TLK2: variants seen among roughly 807,000 people sequenced by gnomAD.
TLK2 encodes tousled like kinase 2.
TLK2 carries 6 observed loss-of-function variants against 117.3 expected under a neutral mutation model. The ratio of observed to expected loss-of-function variants is 0.05; its 90% CI spans 0.03 to 0.10. The LOEUF (loss-of-function observed/expected upper bound fraction) is 0.10, where lower values mean the gene tolerates loss of function less well. Ranked by LOEUF, TLK2 falls within the 10% of genes least tolerant of loss-of-function variation. The pLI is 1.00. For synonymous variants in TLK2, 257 were observed against 316.7 expected, an observed-to-expected ratio of 0.81 and a Z score of 2.00; for missense variants, 299 against 901.2, an observed-to-expected ratio of 0.33 and a Z score of 8.56.
In TLK2 at chr17:62,596,585, G is replaced by A. The variant is rs374257770; in HGVS notation, c.1461G>A (p.Lys487=). ...WRDEKKENYH[K]HACREYRIHK... ...TGTTAATTTTCCCTTTTGTTTACAGGCATGCATGTAGGGAATACCGGATTC... is the reference window on the plus strand; with the variant it reads ...TGTTAATTTTCCCTTTTGTTTACAGACATGCATGTAGGGAATACCGGATTC... Residue 487 remains lysine (K), a splice_region_variant and synonymous_variant, in exon 17 of 22, where the codon AAG becomes AAA. Coordinates refer to ENST00000346027, the MANE Select transcript of TLK2 (RefSeq NM_006852.6). 233 of 1,613,408 alleles carry A rather than the reference G, an allele frequency of 1.4e-4. No homozygotes were observed. Among genetic ancestry groups the A allele is most frequent in the Middle Eastern group, 6.7e-4 (4 of 5,978 alleles).
At chr17:62,595,916 A>G (rs1567994183) in intron 16 of TLK2, among the ~76,000 whole-genome samples, 1 of 152,258 alleles carries the variant, frequency 6.6e-6, no homozygotes, top group South Asian at 2.1e-4. Context: ...GATATGATGT[A>G]TCAGCTTTAG....
chr17:62,612,610 C>T lies in TLK2; in HGVS notation c.*45C>T. ...AACTGTTCAACACACACAAAGTGGA[C>T]AAATGGCGTTCAGCAGCGGGTTTGG... On this transcript the variant is annotated 3_prime_UTR_variant, in exon 22 of 22. Coordinates refer to ENST00000346027, the MANE Select transcript of TLK2 (RefSeq NM_006852.6). The T allele has an allele frequency of 6.5e-7, 1 of 1,544,208 alleles. No individual in the cohort carries two copies. The highest frequency in any genetic ancestry group is 2.3e-5 in the East Asian group (1 of 43,566).
At chr17:62,585,936 G>A (rs931792133) in intron 15 of TLK2, 199 bp from the exon 16 acceptor site, 1 of 449,878 alleles carries the variant, frequency 2.2e-6, no homozygotes, top group African/African-American at 2.0e-5. Flanking sequence ...TAAATCCCTT[G>A]GTGCCAGTGT....
At chr17:62,543,847 A>G (rs1424351625) in intron 7 of TLK2, among the ~76,000 whole-genome samples, 1 of 152,138 alleles carries the variant, frequency 6.6e-6, no homozygotes, top group African/African-American at 2.4e-5. Context: ...AGTTCAATTT[A>G]TCTGTTTTTT....
intron 2 of TLK2, among the ~76,000 whole-genome samples, chr17:62,502,594 A>G (rs1473162698): frequency 1.3e-5 from 2 of 152,210 alleles, no homozygotes; most frequent in Non-Finnish European, 2.9e-5. Context: ...GTAAAAGTAA[A>G]ACTATTTATT....
At chr17:62,511,938 A>G (rs1430710211) in intron 2 of TLK2, among the ~76,000 whole-genome samples, 1 of 152,208 alleles carries the variant, frequency 6.6e-6, no homozygotes, top group Non-Finnish European at 1.5e-5. Flanking sequence ...CAAGAGTACA[A>G]TTGCTGGGTC....
intron 7 of TLK2, among the ~76,000 whole-genome samples, chr17:62,544,063 C>T (rs188050727): frequency 6.6e-6 from 1 of 152,166 alleles, no homozygotes; most frequent in East Asian, 1.9e-4. Flanking sequence ...ATCCTATTGT[C>T]CCAGCACCAT....
At chr17:62,600,907 C>T (rs2082824750) in intron 18 of TLK2, 87 bp downstream of exon 18, 2 of 1,335,046 alleles carry the variant, frequency 1.5e-6, no homozygotes, top group Admixed American at 2.5e-5. Flanking sequence ...GAGAATTTCA[C>T]AGCAGCCAAG....
rs1407642206 is a variant in TLK2 at position 62,583,868 on chromosome 17, C to T, written c.1369-2267C>T. Among the ~76,000 whole-genome samples, 4 of 152,148 alleles carry T rather than the reference C, an allele frequency of 2.6e-5. No homozygotes were observed. In the South Asian group the frequency reaches 6.2e-4, roughly 24 times the overall value. ...CTGGGATTACAGGTGTGAGCCACCA[C>T]GCTGAGCCCCACACATTTTATTTCT... On this transcript the variant is annotated intron_variant, in intron 15 of 21. Transcript: ENST00000346027.
chr17:62,505,259 T>C (rs576334144), intron 2 of TLK2, among the ~76,000 whole-genome samples: 1 of 152,248 alleles, frequency 6.6e-6, no homozygotes, highest in Admixed American at 6.5e-5. Flanking sequence ...AAATTTTGTT[T>C]TAGAGGCAGG....
chr17:62,567,543 T>A (rs1006915626), intron 11 of TLK2, among the ~76,000 whole-genome samples: 17 of 152,216 alleles, frequency 1.1e-4, no homozygotes, highest in African/African-American at 3.9e-4. Context: ...TTATAGGTAT[T>A]TTAGTTCCTG....
chr17:62,508,981 A>G (rs1245920022), intron 2 of TLK2, among the ~76,000 whole-genome samples: 1 of 152,224 alleles, frequency 6.6e-6, no homozygotes, highest in East Asian at 1.9e-4. Flanking sequence ...AACAACAACA[A>G]CAAAACCAGA....
At chr17:62,612,205 C>A in intron 21 of TLK2, 187 bp from the exon 22 acceptor site, 1 of 543,576 alleles carries the variant, frequency 1.8e-6, no homozygotes, top group Non-Finnish European at 3.2e-6. Flanking sequence ...CAGAGAGGTA[C>A]TTCTGTTGGT....
chr17:62,611,515 C>T (rs371298198), intron 21 of TLK2, among the ~76,000 whole-genome samples: 18 of 152,296 alleles, frequency 1.2e-4, no homozygotes, highest in African/African-American at 3.4e-4. Flanking sequence ...GCACAGCCTC[C>T]GCATCGATAT....
At chr17:62,519,012 T>A (rs1298977815) in intron 2 of TLK2, among the ~76,000 whole-genome samples, 1 of 152,160 alleles carries the variant, frequency 6.6e-6, no homozygotes, top group Non-Finnish European at 1.5e-5. Flanking sequence ...AGCCTCCAAG[T>A]AGCTGGGACC....
intron 2 of TLK2, among the ~76,000 whole-genome samples, chr17:62,505,554 A>G (rs1382747588): frequency 1.3e-5 from 2 of 151,710 alleles, no homozygotes; most frequent in Non-Finnish European, 2.9e-5. Context: ...CATGCAGCTC[A>G]AGACACCAGT....
intron 16 of TLK2, among the ~76,000 whole-genome samples, chr17:62,594,786 G>A (rs937533879): frequency 5.3e-5 from 7 of 132,914 alleles, no homozygotes; most frequent in East Asian, 2.3e-4. Context: ...ATTGCAGGGC[G>A]GGTACACACA....
At chr17:62,502,168 A>G (rs1431011604) in intron 2 of TLK2, among the ~76,000 whole-genome samples, 9 of 152,038 alleles carry the variant, frequency 5.9e-5, no homozygotes, top group Admixed American at 2.0e-4. Context: ...ATAATTAACA[A>G]AATACTAGAA....
intron 9 of TLK2, among the ~76,000 whole-genome samples, chr17:62,558,158 T>C (rs2078998028): frequency 6.6e-6 from 1 of 151,992 alleles, no homozygotes; most frequent in African/African-American, 2.4e-5. Flanking sequence ...AGCTGCTTTT[T>C]TTTTTTCTTT....
Sources: allele counts gnomAD v4.1 joint callset (sites outside exome capture counted in the v4.1 genomes callset), GRCh38; gene constraint gnomAD v4.1.1; transcripts MANE v1.5; gene names NCBI Gene and HGNC (gene_info 2026-07-23, HGNC 2026-07-21).